Variants in MGA observed in about 807,000 individuals in gnomAD.
MGA encodes MAX dimerization protein MGA, also known as MAX gene-associated protein.
Under a neutral mutation model 261.1 loss-of-function variants are expected in MGA, and 40 were observed. That is an observed-to-expected ratio of 0.15 (90% CI 0.12 to 0.20). The LOEUF (loss-of-function observed/expected upper bound fraction) is 0.20. Ranked by LOEUF, MGA falls within the 10% of genes least tolerant of loss-of-function variation. The pLI, the probability that MGA is intolerant of heterozygous loss-of-function variation, is 1.00. For synonymous variants in MGA, 1,302 were observed against 1,290.6 expected (o/e 1.01, Z -0.19); for missense variants, 3,397 against 3,630.5 (o/e 0.94, Z 1.65).
intron 1 of MGA, among the ~76,000 whole-genome samples, chr15:41,634,684 T>C (rs954139391): frequency 6.6e-6 from 1 of 152,190 alleles, no homozygotes; most frequent in South Asian, 2.1e-4. Flanking sequence ...TTTGGTGAGA[T>C]AGAGGGATGA....
intron 14 of MGA, among the ~76,000 whole-genome samples, chr15:41,740,606 AC>A (rs1431622243): frequency 6.6e-6 from 1 of 152,168 alleles, no homozygotes; most frequent in Non-Finnish European, 1.5e-5. Context: ...AAAATATTTT[AC>A]TAAATTAAAA....
At chr15:41,643,566 TTTG>T (rs1221347867) in intron 1 of MGA, among the ~76,000 whole-genome samples, 1 of 152,028 alleles carries the variant, frequency 6.6e-6, no homozygotes, top group African/African-American at 2.4e-5. Context: ...AAGTGATTTT[TTTG>T]TTGTTGAGTT....
chr15:41,741,486 C>T (rs1050692886), intron 14 of MGA, among the ~76,000 whole-genome samples: 13 of 151,626 alleles, frequency 8.6e-5, no homozygotes, highest in East Asian at 1.9e-4. Flanking sequence ...ATATGTAATA[C>T]GTAAGCATCT....
chr15:41,626,410 C>G (rs2056453511), intron 1 of MGA, among the ~76,000 whole-genome samples: 1 of 151,006 alleles, frequency 6.6e-6, no homozygotes, highest in African/African-American at 2.4e-5. Flanking sequence ...ACACTTGACT[C>G]TAAAAAAACT....
chr15:41,752,462 A>G (rs910047923), intron 17 of MGA: 5 of 151,972 alleles, frequency 3.3e-5, no homozygotes, highest in Non-Finnish European at 5.9e-5. Context: ...AGTCAGCCCA[A>G]GTTAACATGA....
chr15:41,731,612 G>T (rs1300647308), intron 11 of MGA, among the ~76,000 whole-genome samples: 1 of 152,128 alleles, frequency 6.6e-6, no homozygotes, highest in East Asian at 1.9e-4. Flanking sequence ...CTAGTCTTCA[G>T]TTTGTTTAAA....
chr15:41,663,768 G>GC (rs1478950358), intron 1 of MGA, among the ~76,000 whole-genome samples: 2 of 152,076 alleles, frequency 1.3e-5, no homozygotes, highest in East Asian at 3.9e-4. Flanking sequence ...ACCGCTCCCG[G>GC]CCTAGCCTAC....
chr15:41,648,005 T>A (rs1031831277), intron 1 of MGA, among the ~76,000 whole-genome samples: 22 of 152,240 alleles, frequency 1.4e-4, no homozygotes, highest in African/African-American at 5.1e-4. Flanking sequence ...ATTCAGTTTG[T>A]CCAGAATCGA....
chr15:41,670,801 C>T (rs1035866908), intron 2 of MGA, among the ~76,000 whole-genome samples: 1 of 152,142 alleles, frequency 6.6e-6, no homozygotes, highest in Non-Finnish European at 1.5e-5. Context: ...CCACCGTGCC[C>T]GGCCGTAAGC....
intron 9 of MGA, among the ~76,000 whole-genome samples, chr15:41,719,360 A>G (rs1371189894): frequency 6.6e-6 from 1 of 152,190 alleles, no homozygotes; most frequent in Non-Finnish European, 1.5e-5. Context: ...TCAAAATCCT[A>G]ACAGGCTTCT....
At chr15:41,745,977 TAAGG>T (rs1400376066) in intron 15 of MGA, among the ~76,000 whole-genome samples, 1 of 152,212 alleles carries the variant, frequency 6.6e-6, no homozygotes, top group Non-Finnish European at 1.5e-5. Flanking sequence ...AACTGCTACT[TAAGG>T]AAGTGTGTGT....
chr15:41,744,276 T>C (rs1415618160), intron 15 of MGA, among the ~76,000 whole-genome samples: 4 of 152,152 alleles, frequency 2.6e-5, no homozygotes, highest in Non-Finnish European at 5.9e-5. Flanking sequence ...GAATCTCAGC[T>C]CACTGCAACC....
chr15:41,704,867 G>A (rs1183370932), intron 5 of MGA, among the ~76,000 whole-genome samples: 1 of 151,940 alleles, frequency 6.6e-6, no homozygotes, highest in Non-Finnish European at 1.5e-5. Flanking sequence ...GAATCTAAAG[G>A]TTATCTCTTT....
intron 15 of MGA, among the ~76,000 whole-genome samples, chr15:41,743,625 T>C (rs2062245137): frequency 6.6e-6 from 1 of 152,118 alleles, no homozygotes; most frequent in South Asian, 2.1e-4. Context: ...GAGCTAGGGG[T>C]GCACATCTTT....
chr15:41,739,824 T>TA, intron 13 of MGA, 82 bp from the exon 14 acceptor site: 3 of 1,365,464 alleles, frequency 2.2e-6, no homozygotes, highest in Non-Finnish European at 3.0e-6. Flanking sequence ...TGAAAACTTG[T>TA]AAAAATGAAG....
intron 3 of MGA, among the ~76,000 whole-genome samples, chr15:41,697,418 C>A (rs201853686): frequency 1.5e-5 from 2 of 132,834 alleles, no homozygotes; most frequent in Non-Finnish European, 3.2e-5. Flanking sequence ...TTTTTCTTTT[C>A]TTTTTTTTTT....
chr15:41,767,550 GC>G lies in MGA; in HGVS notation c.*274del, dbSNP rs1477573594. On this transcript the variant is annotated 3_prime_UTR_variant, in exon 24 of 24. Coordinates refer to ENST00000219905, the MANE Select transcript of MGA (RefSeq NM_001164273.2). ...TGTGATCCATTACTGAACATGAGGT[GC>G]CCCTCTTACCCAAGGAATTTATAAC... The G allele has an allele frequency of 6.9e-6, 3 of 435,990 alleles. No individual in the cohort carries two copies. Among genetic ancestry groups the G allele is most frequent in the Non-Finnish European group, 1.2e-5 (3 of 243,838 alleles). The allele number at this position is 435,990 out of a possible 1,614,324, so 27.0% of individuals were successfully genotyped here.
intron 1 of MGA, among the ~76,000 whole-genome samples, chr15:41,635,404 CAA>C (rs942549761): frequency 5.0e-5 from 4 of 79,276 alleles, no homozygotes; most frequent in Non-Finnish European, 1.4e-4. Context: ...ACACCAAACA[CAA>C]ACACACACAC....
intron 22 of MGA, 115 bp from the exon 23 acceptor site, chr15:41,764,771 T>A: frequency 1.9e-6 from 2 of 1,037,836 alleles, no homozygotes; most frequent in Non-Finnish European, 2.8e-6. Context: ...CTTGAACTCC[T>A]GGGCTCAAGT....
Sources: gnomAD v4.1 joint callset for allele counts (sites outside exome capture counted in the v4.1 genomes callset) on GRCh38, gnomAD v4.1.1 for gene constraint, MANE v1.5 for transcripts, NCBI Gene and HGNC (gene_info 2026-07-23, HGNC 2026-07-21) for gene names.